The following PTK7 variants were observed in gnomAD, a reference collection of about 807,000 sequenced individuals.
The protein encoded by PTK7 is protein tyrosine kinase 7 (inactive), also known as inactive tyrosine-protein kinase 7.
In PTK7, 39 loss-of-function variants were observed where a neutral mutation model predicts 116.6. The observed-to-expected ratio is 0.33, with a 90% CI of 0.26 to 0.44. The LOEUF (loss-of-function observed/expected upper bound fraction) is 0.44. Among genes scored for constraint, PTK7 ranks in the 20% least tolerant of loss-of-function variants. The probability of loss-of-function intolerance (pLI) is 1.00; values close to 1 mark genes in which losing one functional copy is unlikely to be tolerated. For synonymous variants in PTK7, 546 were observed against 563.6 expected (o/e 0.97, Z 0.44); for missense variants, 1,169 against 1,425.6 (o/e 0.82, Z 2.90).
intron 18 of PTK7, 181 bp from the exon 19 acceptor site, chr6:43,159,607 T>C (rs1489135240): frequency 1.6e-6 from 1 of 618,048 alleles, no homozygotes; most frequent in African/African-American, 1.8e-5. Flanking sequence ...CTCGTGTGGT[T>C]ACCTCCAGAT....
At chr6:43,134,372 C>T (rs749658751) in intron 7 of PTK7, among the ~76,000 whole-genome samples, 3 of 152,016 alleles carry the variant, frequency 2.0e-5, no homozygotes, top group African/African-American at 4.8e-5. Flanking sequence ...ACAGGCCAGG[C>T]GTGGTGGTTC....
intron 17 of PTK7, among the ~76,000 whole-genome samples, chr6:43,148,526 A>G (rs1770855475): frequency 6.6e-6 from 1 of 152,186 alleles, no homozygotes. Flanking sequence ...GGATGGCTTC[A>G]AGAGTCAGGG....
At chr6:43,079,292 C>G (rs1766231989) in intron 1 of PTK7, among the ~76,000 whole-genome samples, 1 of 152,028 alleles carries the variant, frequency 6.6e-6, no homozygotes, top group Admixed American at 6.6e-5. Flanking sequence ...ACGGTGAAAC[C>G]CTGTCTCTAC....
intron 1 of PTK7, among the ~76,000 whole-genome samples, chr6:43,106,154 G>T (rs566107010): frequency 6.6e-6 from 1 of 151,888 alleles, no homozygotes; most frequent in South Asian, 2.1e-4. Flanking sequence ...TTGCCTCCTT[G>T]CCCCAAAGTG....
rs578004938 is a variant in PTK7, at chr6:43,117,142, G to A, written c.80-11835G>A. On this transcript the variant is annotated intron_variant, in intron 1 of 19. Transcript: ENST00000230419. Reference sequence around the variant, plus strand: ...CATGCCCACCGTAGACTTCAACTATGGACAGCTCTGTTCCGCCACCTGTTT... The same window carrying A: ...CATGCCCACCGTAGACTTCAACTATAGACAGCTCTGTTCCGCCACCTGTTT... Among the ~76,000 whole-genome samples the A allele has an allele frequency of 1.5e-4, 23 of 152,136 alleles. No homozygotes were observed. The South Asian group carries it at 4.8e-3, about 32-fold the overall frequency.
chr6:43,117,101 A>G (rs1196061647), intron 1 of PTK7, among the ~76,000 whole-genome samples: 3 of 151,960 alleles, frequency 2.0e-5, no homozygotes, highest in South Asian at 2.1e-4. Flanking sequence ...TGGGATTACA[A>G]TCAGGCGTGA....
In PTK7 at chr6:43,139,915, A is replaced by T. The variant is rs971547521; in HGVS notation, c.1618+390A>T. On this transcript the variant is annotated intron_variant, in intron 10 of 19. Transcript: ENST00000230419. This position sits in a 1 kb window ranked among gnomAD's most constrained non-coding sequence, Gnocchi z 4.6. ...GGTCACTTGAGGCCAGGAGTTTGAG[A>T]CCAGCCTGGCCAACATGGTGAAACC... Among the ~76,000 whole-genome samples the T allele has an allele frequency of 2.6e-5, 4 of 151,164 alleles. No homozygotes were observed. Among genetic ancestry groups the T allele is most frequent in the African/African-American group, 9.8e-5 (4 of 40,954 alleles).
In PTK7 at chr6:43,132,401, T is replaced by A; in HGVS notation, c.962-20T>A. ...AGACCCACAATAATTGGGCCATTCC[T>A]CCTACTTATGTCCTTGCAGAGATTG... On this transcript the variant is annotated intron_variant, in intron 6 of 19. Transcript: ENST00000230419. 6.5e-7 allele frequency: 1 copy of A among 1,545,900 alleles called. No homozygotes were observed. Among genetic ancestry groups the A allele is most frequent in the Non-Finnish European group, 8.8e-7 (1 of 1,141,758 alleles).
chr6:43,156,623 G>A (rs910670301), intron 17 of PTK7, among the ~76,000 whole-genome samples: 21 of 151,686 alleles, frequency 1.4e-4, no homozygotes, highest in African/African-American at 4.8e-4. Context: ...AATAAAGGCC[G>A]GGCACAGTGG....
intron 1 of PTK7, among the ~76,000 whole-genome samples, chr6:43,121,578 G>C (rs1768964623): frequency 6.6e-6 from 1 of 152,204 alleles, no homozygotes; most frequent in Non-Finnish European, 1.5e-5. Context: ...GTGCTCTGCA[G>C]CTCACTGGGT....
At chr6:43,130,730 G>C in intron 5 of PTK7, 69 bp downstream of exon 5, 1 of 1,551,258 alleles carries the variant, frequency 6.4e-7, no homozygotes, top group Non-Finnish European at 8.9e-7. Context: ...AAGGGGGTGC[G>C]ATTTGTATCA....
intron 7 of PTK7, among the ~76,000 whole-genome samples, chr6:43,136,953 A>G (rs1770078462): frequency 6.6e-6 from 1 of 152,132 alleles, no homozygotes; most frequent in Non-Finnish European, 1.5e-5. Context: ...GCAGTAAGCC[A>G]TAGTGGCGTG....
At chr6:43,105,450 CAA>C (rs34623759) in intron 1 of PTK7, among the ~76,000 whole-genome samples, 26 of 93,422 alleles carry the variant, frequency 2.8e-4, no homozygotes, top group African/African-American at 4.0e-4. Context: ...AACTGTATAG[CAA>C]AAAAAAAAAA....
rs1396448275 is a variant in PTK7 at position 43,145,908 on chromosome 6, G to A, written c.2640+476G>A. On this transcript the variant is annotated intron_variant, in intron 16 of 19. Coordinates refer to ENST00000230419, the MANE Select transcript of PTK7 (RefSeq NM_002821.5). This position sits in a 1 kb window ranked among gnomAD's most constrained non-coding sequence, Gnocchi z 4.8. ...CTCCACTCAGGGTGTCATTCCCAGA[G>A]CTGCGCCTTCCTCTTCATTCCCCAG... 1.3e-5 allele frequency: 2 copies of A among 153,386 alleles called. No homozygotes were observed. Among genetic ancestry groups the A allele is most frequent in the Non-Finnish European group, 2.9e-5 (2 of 68,904 alleles). 9.5% of individuals were successfully genotyped at this position (153,386 alleles called of 1,614,324 possible). A position where few individuals can be genotyped will look rare whatever the true frequency, so the allele number is the denominator to read the frequency against.
chr6:43,156,698 C>G (rs113201054), intron 17 of PTK7, among the ~76,000 whole-genome samples: 134 of 152,154 alleles, frequency 8.8e-4, no homozygotes, highest in African/African-American at 3.0e-3. Flanking sequence ...GAGATCGAGA[C>G]CATCCTGGCC....
chr6:43,128,170 A>G (rs964941170), intron 1 of PTK7, among the ~76,000 whole-genome samples: 33 of 152,300 alleles, frequency 2.2e-4, no homozygotes, highest in African/African-American at 7.2e-4. Flanking sequence ...TGTTTGGGTC[A>G]TGATTTAACT....
At chr6:43,114,214 CT>C (rs896731559) in intron 1 of PTK7, among the ~76,000 whole-genome samples, 2 of 152,188 alleles carry the variant, frequency 1.3e-5, no homozygotes, top group Non-Finnish European at 2.9e-5. Flanking sequence ...TTTCTTGTCC[CT>C]TTGTCTCTGT....
intron 1 of PTK7, among the ~76,000 whole-genome samples, chr6:43,112,163 A>T (rs922387069): frequency 3.9e-5 from 6 of 152,144 alleles, no homozygotes; most frequent in African/African-American, 9.7e-5. Context: ...TTACAGTTAC[A>T]TGTTTTGTAA....
chr6:43,136,020 T>A (rs916212477), intron 7 of PTK7, among the ~76,000 whole-genome samples: 18 of 152,302 alleles, frequency 1.2e-4, no homozygotes, highest in Non-Finnish European at 2.2e-4. Context: ...AAACCCCGTC[T>A]CTACTAAAAA....
Sources: allele counts gnomAD v4.1 joint callset (sites outside exome capture counted in the v4.1 genomes callset), GRCh38; gene constraint gnomAD v4.1.1; non-coding constraint Gnocchi (gnomAD v3.1); transcripts MANE v1.5; gene names NCBI Gene and HGNC (gene_info 2026-07-23, HGNC 2026-07-21).